Variants in PDE1C observed in about 807,000 individuals in gnomAD.
PDE1C encodes the protein dual specificity calcium/calmodulin-dependent 3',5'-cyclic nucleotide phosphodiesterase 1C.
Under a neutral mutation model 93.1 loss-of-function variants are expected in PDE1C, and 62 were observed. The ratio of observed to expected loss-of-function variants is 0.67; its 90% confidence interval spans 0.54 to 0.82. The LOEUF (loss-of-function observed/expected upper bound fraction) is 0.82, where lower values mean the gene tolerates loss of function less well. Among genes scored for constraint, PDE1C ranks in the 40% least tolerant of loss-of-function variants. PDE1C has a pLI of 0.00. For missense variants in PDE1C, 742 were observed against 884.6 expected, an observed-to-expected ratio of 0.84 and a Z score of 2.04; for synonymous variants, 325 against 310.1, an observed-to-expected ratio of 1.05 and a Z score of -0.50.
rs1811254938 is a variant in PDE1C at position 32,275,923 on chromosome 7, T to C, written c.85+22728A>G. On this transcript the variant is annotated intron_variant, in intron 1 of 18. Coordinates refer to the PDE1C transcript ENST00000396193. ...AACAGGATGACATAATACAGAAGCA[T>C]GCTCACTTAGTATGACCCTGTAACT... is the stretch of plus-strand genomic sequence containing the variant. Among the ~76,000 whole-genome samples the C allele has an allele frequency of 2.0e-5, 3 of 152,232 alleles. No individual in the cohort carries two copies. In the South Asian group the frequency reaches 6.2e-4, roughly 32 times the overall value.
At chr7:32,341,325 G>A (rs58380772) in intron 1 of PDE1C, among the ~76,000 whole-genome samples, 18,184 of 148,618 alleles carry the variant, frequency 0.12, 1,521 homozygotes, top group East Asian at 0.37. Context: ...ACAGGCGCCC[G>A]CTACCACGCC....
At chr7:31,925,361 T>C (rs1339084638) in intron 2 of PDE1C, among the ~76,000 whole-genome samples, 1 of 152,140 alleles carries the variant, frequency 6.6e-6, no homozygotes, top group Non-Finnish European at 1.5e-5. Context: ...AAATATTGAT[T>C]GTCTGTCATA....
chr7:32,318,280 T>C (rs1313794776), intron 1 of PDE1C, among the ~76,000 whole-genome samples: 1 of 152,096 alleles, frequency 6.6e-6, no homozygotes, highest in African/African-American at 2.4e-5. Context: ...CAAACCCCCC[T>C]TCTGAGTGTG....
upstream of PDE1C, chr7:32,070,991 T>C: frequency 1.0e-6 from 1 of 985,310 alleles, no homozygotes; most frequent in Non-Finnish European, 1.2e-6. Context: ...GCAGCTCTGC[T>C]GACAAGCGAG....
chr7:31,889,549 A>G (rs1279528863), intron 2 of PDE1C, among the ~76,000 whole-genome samples: 2 of 152,142 alleles, frequency 1.3e-5, no homozygotes, highest in Admixed American at 1.3e-4. Flanking sequence ...GAATATTTCC[A>G]TTCCTTTGGT....
intron 16 of PDE1C, among the ~76,000 whole-genome samples, chr7:31,801,152 T>C (rs1785973057): frequency 6.6e-6 from 1 of 150,624 alleles, no homozygotes; most frequent in South Asian, 2.1e-4. Context: ...TGGATATTAA[T>C]AAAATAGAAA....
At chr7:31,770,869 G>T (rs1795445672) in intron 17 of PDE1C, among the ~76,000 whole-genome samples, 1 of 151,900 alleles carries the variant, frequency 6.6e-6, no homozygotes, top group South Asian at 2.1e-4. Context: ...TGCTATATTT[G>T]GTGTAAAGTC....
At chr7:32,062,934 T>C (rs941017019) in intron 1 of PDE1C, among the ~76,000 whole-genome samples, 3 of 152,216 alleles carry the variant, frequency 2.0e-5, no homozygotes, top group Admixed American at 6.5e-5. Context: ...GATGGAATGA[T>C]TCTCTTTAGT....
the PDE1C span, among the ~76,000 whole-genome samples, chr7:31,744,684 C>A: frequency 9.2e-5 from 14 of 152,184 alleles, no homozygotes; most frequent in Non-Finnish European, 2.9e-5. Context: ...TATTAACATT[C>A]AAATTCTTTT....
At chr7:32,046,856 A>T (rs561463428) in intron 2 of PDE1C, among the ~76,000 whole-genome samples, 1 of 152,302 alleles carries the variant, frequency 6.6e-6, no homozygotes, top group African/African-American at 2.4e-5. Flanking sequence ...GAGGTTGTTC[A>T]TTACCTGGTA....
intron 1 of PDE1C, among the ~76,000 whole-genome samples, chr7:32,346,638 G>A (rs1783857721): frequency 6.6e-6 from 1 of 152,186 alleles, no homozygotes; most frequent in Non-Finnish European, 1.5e-5. Context: ...TTTGTGCTTT[G>A]GTACCTTTAA....
In PDE1C at chr7:32,150,992, G is replaced by A. The variant is rs138830557; in HGVS notation, c.308+18793C>T. ...TGACAAAGTCCCCATTCAAACCTAG[G>A]TCTCTGGGGACTCAAAAACAAAATG... is the stretch of plus-strand genomic sequence containing the variant. On this transcript the variant is annotated intron_variant, in intron 3 of 18. Coordinates refer to the PDE1C transcript ENST00000396193. Among the ~76,000 whole-genome samples, 1,101 of 152,204 alleles carry A rather than the reference G, an allele frequency of 7.2e-3. 5 individuals carry two copies. Among genetic ancestry groups the A allele is most frequent in the Non-Finnish European group, 0.011 (768 of 68,002 alleles).
intron 3 of PDE1C, among the ~76,000 whole-genome samples, chr7:32,109,939 A>G (rs1457002574): frequency 6.6e-6 from 1 of 152,210 alleles, no homozygotes; most frequent in Non-Finnish European, 1.5e-5. Context: ...TAATAAACTC[A>G]AAGTGAAATG....
At chr7:32,391,959 G>A (rs1784758567) in intron 1 of PDE1C, among the ~76,000 whole-genome samples, 1 of 151,918 alleles carries the variant, frequency 6.6e-6, no homozygotes, top group African/African-American at 2.4e-5. Flanking sequence ...CAAGCAGGAG[G>A]AAGGAAATAA....
In PDE1C at chr7:31,892,594, G is replaced by A. The variant is rs377649377; in HGVS notation, c.129-11734C>T. 1.1e-4 allele frequency among the ~76,000 whole-genome samples: 16 copies of A among 152,254 alleles called. No individual in the cohort carries two copies. In the East Asian group the frequency reaches 2.7e-3, roughly 26 times the overall value. On this transcript the variant is annotated intron_variant, in intron 2 of 17. Transcript: ENST00000396191. ...ACTATGGCAGGCTGGCCATGAAGGG[G>A]TTGTAAAGAATGAAATTAATATACA... is the stretch of plus-strand genomic sequence containing the variant.
chr7:32,049,123 C>T (rs1050543287), intron 2 of PDE1C, among the ~76,000 whole-genome samples: 1 of 152,190 alleles, frequency 6.6e-6, no homozygotes, highest in African/African-American at 2.4e-5. Flanking sequence ...CTACTCAAGA[C>T]TACTGTGCCC....
At chr7:32,065,989 G>A (rs945052300) in intron 1 of PDE1C, among the ~76,000 whole-genome samples, 3 of 152,216 alleles carry the variant, frequency 2.0e-5, no homozygotes, top group Non-Finnish European at 4.4e-5. Context: ...TTCCCACTCC[G>A]TGTTTTCTGC....
chr7:31,671,159 C>A, the PDE1C span, among the ~76,000 whole-genome samples: 1 of 152,174 alleles, frequency 6.6e-6, no homozygotes, highest in Non-Finnish European at 1.5e-5. Flanking sequence ...GGCTGCCACA[C>A]TGACCCTTCA....
At chr7:31,997,806 T>A (rs1219826156) in intron 2 of PDE1C, among the ~76,000 whole-genome samples, 5 of 152,114 alleles carry the variant, frequency 3.3e-5, no homozygotes, top group Non-Finnish European at 7.4e-5. Context: ...TTTCTTTGTC[T>A]CAAAGAAAAC....
Sources: gnomAD v4.1 joint callset for allele counts (sites outside exome capture counted in the v4.1 genomes callset) on GRCh38, gnomAD v4.1.1 for gene constraint, MANE v1.5 for transcripts, NCBI Gene and HGNC (gene_info 2026-07-23, HGNC 2026-07-21) for gene names.